Variants in ZNF106 observed in about 807,000 individuals in gnomAD.
ZNF106 encodes the protein zinc finger protein 106, also known as SH3-domain binding protein 3.
A neutral mutation model predicts 195.1 loss-of-function variants in ZNF106; 67 were observed. That is an observed-to-expected ratio of 0.34 (90% CI 0.28 to 0.42). The LOEUF is 0.42. Among genes scored for constraint, ZNF106 ranks in the 10% least tolerant of loss-of-function variants. The probability of loss-of-function intolerance (pLI) is 1.00; values close to 1 mark genes in which losing one functional copy is unlikely to be tolerated. For missense variants in ZNF106, 2,118 were observed against 2,304.5 expected (o/e 0.92, Z 1.66); for synonymous variants, 784 against 818.6 (o/e 0.96, Z 0.72).
Position 42,444,899 on chromosome 15 carries a change from A to G in ZNF106, c.3288T>C (p.Asn1096=), listed in dbSNP as rs1354598121. The G allele has an allele frequency of 3.1e-6, 5 of 1,614,030 alleles. No individual in the cohort carries two copies. Among genetic ancestry groups the G allele is most frequent in the Non-Finnish European group, 4.2e-6 (5 of 1,180,014 alleles). ...LSKSLQCMDN[N]LLQARAALQT... ...GAAGGGCTGCACGGGCTTGCAGAAGATTGTTATCCATGCACTGCAATGACT... is the reference window on the plus strand; with the variant it reads ...GAAGGGCTGCACGGGCTTGCAGAAGGTTGTTATCCATGCACTGCAATGACT... Residue 1096 remains asparagine (N), a synonymous_variant, in exon 8 of 22, where the codon AAT becomes AAC. Transcript: ENST00000564754.
chr15:42,449,164 ACTGT>A (rs2055887265), intron 5 of ZNF106, among the ~76,000 whole-genome samples: 1 of 152,218 alleles, frequency 6.6e-6, no homozygotes, highest in Non-Finnish European at 1.5e-5. Context: ...AGCCTGGAGA[ACTGT>A]ATCATCATGC....
rs773568748 is a variant in ZNF106, at chr15:42,450,564, A to C, written c.1708T>G (p.Ser570Ala). 7.4e-6 allele frequency: 12 copies of C among 1,614,124 alleles called. No individual in the cohort carries two copies. The South Asian group carries it at 9.9e-5, about 13-fold the overall frequency. The change falls in exon 5 of 22, where the codon TCA (serine) becomes GCA (alanine). Residue 570 changes from serine (S) to alanine (A), a missense_variant. Transcript: ENST00000564754. ...KAKEVLQCHE[S>A]LQNPLLSTSK... ...GTGCTAAGAAGTGGATTTTGCAATG[A>C]CTCATGACACTGTAGCACCTCTTTG...
intron 2 of ZNF106, among the ~76,000 whole-genome samples, chr15:42,470,625 T>C (rs1274008176): frequency 6.6e-6 from 1 of 152,124 alleles, no homozygotes; most frequent in Non-Finnish European, 1.5e-5. Context: ...TATGAAGAGA[T>C]AAAAGTATGT....
At chr15:42,469,775 T>C (rs2056620146) in intron 2 of ZNF106, among the ~76,000 whole-genome samples, 1 of 151,346 alleles carries the variant, frequency 6.6e-6, no homozygotes, top group African/African-American at 2.4e-5. Flanking sequence ...GACACAGAGG[T>C]TGCAGTGAGC....
intron 7 of ZNF106, among the ~76,000 whole-genome samples, chr15:42,446,268 C>T (rs1473047077): frequency 6.6e-6 from 1 of 152,162 alleles, no homozygotes; most frequent in East Asian, 1.9e-4. Flanking sequence ...TCAAGCTGCA[C>T]AAACGCTGAA....
At chr15:42,430,582 G>A (rs954930105) in intron 14 of ZNF106, among the ~76,000 whole-genome samples, 5 of 151,666 alleles carry the variant, frequency 3.3e-5, no homozygotes, top group Admixed American at 6.6e-5. Context: ...ATGAGGTCTC[G>A]CCATGTTGCC....
intron 2 of ZNF106, among the ~76,000 whole-genome samples, chr15:42,471,720 A>C (rs2056672921): frequency 6.6e-6 from 1 of 152,188 alleles, no homozygotes; most frequent in East Asian, 1.9e-4. Flanking sequence ...AACACAGTTA[A>C]GTCTCCATTT....
In ZNF106 at chr15:42,450,142, T is replaced by C; in HGVS notation, c.2130A>G (p.Val710=). ...AQVDDSIKSH[V]SYETEGFESA... ...TCTCAAAGCCTTCTGTTTCATAAGA[T>C]ACATGAGATTTAATAGAGTCATCAA... The change falls in exon 5 of 22, where the codon GTA becomes GTG. Residue 710 remains valine (V), a synonymous_variant. Transcript: ENST00000564754. 2 of 1,614,216 alleles carry C rather than the reference T, an allele frequency of 1.2e-6. No homozygotes were observed. The highest frequency in any genetic ancestry group is 1.7e-6 in the Non-Finnish European group (2 of 1,180,038).
chr15:42,484,731 C>G (rs1454922174), intron 1 of ZNF106, among the ~76,000 whole-genome samples: 14 of 137,178 alleles, frequency 1.0e-4, no homozygotes, highest in Admixed American at 9.7e-4. Flanking sequence ...GAGTGAGACT[C>G]TGTCTCAAAA....
At chr15:42,468,133 C>T (rs1196270391) in intron 2 of ZNF106, among the ~76,000 whole-genome samples, 4 of 139,826 alleles carry the variant, frequency 2.9e-5, no homozygotes, top group African/African-American at 1.1e-4. Context: ...TGGAGAGCAG[C>T]GGCTCGATCT....
chr15:42,440,209 G>C (rs2055448270), intron 10 of ZNF106, among the ~76,000 whole-genome samples: 1 of 152,000 alleles, frequency 6.6e-6, no homozygotes, highest in Non-Finnish European at 1.5e-5. Context: ...ATCCAATTTA[G>C]CTACAGCTTA....
chr15:42,433,620 T>C (rs1202294370), intron 14 of ZNF106, among the ~76,000 whole-genome samples: 1 of 151,174 alleles, frequency 6.6e-6, no homozygotes. Context: ...GTAGCTGGGA[T>C]TACAGGTGTG....
At chr15:42,478,871 C>T (rs1050180212) in intron 1 of ZNF106, among the ~76,000 whole-genome samples, 3 of 152,124 alleles carry the variant, frequency 2.0e-5, no homozygotes, top group Non-Finnish European at 4.4e-5. Flanking sequence ...ACAGAGGATA[C>T]CACATTACAT....
intron 1 of ZNF106, among the ~76,000 whole-genome samples, chr15:42,482,941 TCTC>T (rs1484620500): frequency 6.6e-6 from 1 of 152,116 alleles, no homozygotes; most frequent in Non-Finnish European, 1.5e-5. Flanking sequence ...GTCTGATGCT[TCTC>T]CTCTCTCTCT....
rs774742611 is a variant in ZNF106, at chr15:42,448,334, C to G, written c.2873G>C (p.Arg958Pro). The G allele has an allele frequency of 1.2e-6, 2 of 1,614,026 alleles. No homozygotes were observed. Among genetic ancestry groups the G allele is most frequent in the African/African-American group, 2.7e-5 (2 of 74,904 alleles). ...ERAENVATQR[R>P]HSAQLSSDHI... ...GTCAGAGGATAATTGTGCACTATGTCGCCTTTGGGTAGCAACATTTTCAGC... is the reference window on the plus strand; with the variant it reads ...GTCAGAGGATAATTGTGCACTATGTGGCCTTTGGGTAGCAACATTTTCAGC... The change falls in exon 6 of 22, where the codon CGA becomes CCA. Residue 958 changes from arginine (R) to proline (P), a missense_variant. Physicochemically the swap from Arg to Pro is moderately radical, Grantham distance 103. Transcript: ENST00000564754.
At chr15:42,474,841 T>C (rs1362907347) in intron 1 of ZNF106, among the ~76,000 whole-genome samples, 1 of 152,196 alleles carries the variant, frequency 6.6e-6, no homozygotes, top group Admixed American at 6.5e-5. Flanking sequence ...ACTAGCACAC[T>C]TTCCTCAAGT....
chr15:42,425,189 C>A (rs2054810422), intron 15 of ZNF106, among the ~76,000 whole-genome samples, 164 bp from the exon 16 acceptor site: 1 of 152,138 alleles, frequency 6.6e-6, no homozygotes, highest in Admixed American at 6.6e-5. Context: ...CACTCCAACC[C>A]TTTTTACTGA....
At chr15:42,430,570 A>T (rs975421940) in intron 14 of ZNF106, among the ~76,000 whole-genome samples, 2 of 151,600 alleles carry the variant, frequency 1.3e-5, no homozygotes, top group African/African-American at 4.9e-5. Flanking sequence ...TTTTTTGGAG[A>T]GATGAGGTCT....
chr15:42,418,532 A>ATT lies in ZNF106; in HGVS notation c.5518-583_5518-582dup, dbSNP rs1162999546. On this transcript the variant is annotated intron_variant, in intron 20 of 21. Coordinates refer to ENST00000564754, the MANE Select transcript of ZNF106 (RefSeq NM_001366845.3). The stretch of plus-strand genomic sequence containing the variant: ...AGGCGTGCACCACCACGGCCAGTTA[A>ATT]TTTTTTTTTTTTTTTTTTTTTTTTT... 9.6e-3 allele frequency among the ~76,000 whole-genome samples: 926 copies of ATT among 96,220 alleles called. 57 individuals carry two copies. The highest frequency in any genetic ancestry group is 0.034 in the African/African-American group (788 of 23,432). 63.1% of individuals were successfully genotyped at this position (96,220 alleles called of 152,430 possible).
Sources: allele counts gnomAD v4.1 joint callset (sites outside exome capture counted in the v4.1 genomes callset), GRCh38; gene constraint gnomAD v4.1.1; transcripts MANE v1.5; gene names NCBI Gene and HGNC (gene_info 2026-07-23, HGNC 2026-07-21).